The following TSHZ3 variants were observed in gnomAD, a reference collection of about 807,000 sequenced individuals.
TSHZ3 encodes the protein teashirt zinc finger homeobox 3.
TSHZ3 carries 10 observed loss-of-function variants against 64.5 expected under a neutral mutation model. The ratio of observed to expected loss-of-function variants is 0.16; its 90% CI spans 0.10 to 0.26. TSHZ3 has a LOEUF of 0.26. TSHZ3 is among the 10% of genes least tolerant of loss of function. The pLI is 1.00. For missense variants in TSHZ3, 1,242 were observed against 1,421.7 expected (o/e 0.87, Z 2.03); for synonymous variants, 608 against 593.1 (o/e 1.03, Z -0.36).
At chr19:31,222,055 C>A (rs960673778) in intron 4 of TSHZ3, among the ~76,000 whole-genome samples, 11 of 152,166 alleles carry the variant, frequency 7.2e-5, no homozygotes, top group Admixed American at 7.2e-4. Flanking sequence ...CCCAGCTATA[C>A]CTTGGTTGCA....
chr19:31,231,702 A>C (rs1302048363), intron 3 of TSHZ3, among the ~76,000 whole-genome samples: 2 of 152,164 alleles, frequency 1.3e-5, no homozygotes, highest in Non-Finnish European at 2.9e-5. Context: ...GATTTAGTTA[A>C]AACATTCAGC....
intron 4 of TSHZ3, among the ~76,000 whole-genome samples, chr19:31,209,109 T>C (rs1364727709): frequency 2.0e-5 from 3 of 152,216 alleles, no homozygotes; most frequent in Middle Eastern, 6.8e-3. Context: ...AGATTTCAAA[T>C]GGACTCAAGA....
chr19:31,294,424 G>GCCAGTACTCAGCACGCACTCAGCACTCAA (rs1167778423), intron 1 of TSHZ3, among the ~76,000 whole-genome samples: 3 of 152,010 alleles, frequency 2.0e-5, no homozygotes, highest in Non-Finnish European at 2.9e-5. Context: ...TCAGCACTTA[G>GCCAGTACTCAGCACGCACTCAGCACTCAA]CCAGTACTCA....
chr19:31,260,754 C>T (rs1336952770), intron 1 of TSHZ3, among the ~76,000 whole-genome samples: 1 of 152,144 alleles, frequency 6.6e-6, no homozygotes, highest in African/African-American at 2.4e-5. Flanking sequence ...AACAAAAGAA[C>T]ATTTTGTCCC....
At chr19:31,270,206 G>C (rs1410367714), downstream of TSHZ3, among the ~76,000 whole-genome samples, 2 of 152,232 alleles carry the variant, frequency 1.3e-5, no homozygotes, top group Non-Finnish European at 2.9e-5. Context: ...AATGTTGCCT[G>C]TGCCCATATT....
intron 5 of TSHZ3, among the ~76,000 whole-genome samples, chr19:31,191,362 T>C (rs539237110): frequency 6.6e-6 from 1 of 152,186 alleles, no homozygotes; most frequent in Non-Finnish European, 1.5e-5. Context: ...TCGGAAACAA[T>C]GCAAGTTATA....
At position 31,277,872 on chromosome 19, in the gene TSHZ3, C is replaced by T. The variant is rs376529552; in HGVS notation, c.1921G>A (p.Ala641Thr). 4.4e-5 allele frequency: 70 copies of T among 1,607,220 alleles called. No individual in the cohort carries two copies. The East Asian group carries it at 1.1e-3, about 26-fold the overall frequency. The change falls in exon 2 of 2, where the codon GCC (alanine) becomes ACC (threonine). Residue 641 changes from alanine (A) to threonine (T), a missense_variant. Ala to Thr is a moderately conservative substitution (Grantham distance 58). Around this residue, in one of 4 missense-constraint regions of TSHZ3, gnomAD observed 550 missense variants for 545.1 expected, o/e 1.01. Coordinates refer to ENST00000240587, the MANE Select transcript of TSHZ3 (RefSeq NM_020856.4). This position sits in a 1 kb window ranked among gnomAD's most constrained non-coding sequence, Gnocchi z 4.5. ...TCGCTGCTACATGGGGAGGGAGTGGCCCGCTTGGGCGGGGAAAGCTTCCCA... is the reference window on the plus strand; with the variant it reads ...TCGCTGCTACATGGGGAGGGAGTGGTCCGCTTGGGCGGGGAAAGCTTCCCA... ...PDGKLSPPKR[A>T]TPSPCSSEVG...
In TSHZ3 at chr19:31,279,310, G is replaced by A. The variant is rs1348608625; in HGVS notation, c.483C>T (p.Gly161=). ...TCTGGTGCCAGTCGAAGCTCCCGCT[G>A]CCACAGCTGCTGCTGCTGCTACTGC... ...SSSSSSSSSC[G]SGSFDWHQSA... is the part of the protein sequence containing the mutation. The change falls in exon 2 of 2, where the codon GGC becomes GGT. Residue 161 remains glycine, a synonymous_variant. Transcript: ENST00000240587. This position sits in a 1 kb window ranked among gnomAD's most constrained non-coding sequence, Gnocchi z 6.4. 6.2e-7 allele frequency: 1 copy of A among 1,613,828 alleles called. No individual in the cohort carries two copies. Among genetic ancestry groups the A allele is most frequent in the South Asian group, 1.1e-5 (1 of 91,052 alleles).
At chr19:31,157,638 C>T (rs532556670) in intron 5 of TSHZ3, among the ~76,000 whole-genome samples, 1 of 152,292 alleles carries the variant, frequency 6.6e-6, no homozygotes, top group African/African-American at 2.4e-5. Context: ...GTGAATTAAA[C>T]ACAAACATAT....
intron 5 of TSHZ3, among the ~76,000 whole-genome samples, chr19:31,196,891 C>T (rs146826066): frequency 7.8e-4 from 119 of 151,984 alleles, no homozygotes; most frequent in African/African-American, 2.5e-3. Context: ...CTATCATGAA[C>T]GAACAGACCT....
At chr19:31,165,062 G>A (rs957309843) in intron 5 of TSHZ3, among the ~76,000 whole-genome samples, 2 of 152,246 alleles carry the variant, frequency 1.3e-5, no homozygotes, top group Non-Finnish European at 2.9e-5. Context: ...TGCAGGGACA[G>A]AGGCGGCTTT....
Position 31,279,413 on chromosome 19 carries a change from G to A in TSHZ3, c.380C>T (p.Ser127Phe). ...GTTGAGGTTGGACCAGTAGGAGTTGGAGAGGAAGTTGTTGTACACGGCCTT... is the reference window on the plus strand; with the variant it reads ...GTTGAGGTTGGACCAGTAGGAGTTGAAGAGGAAGTTGTTGTACACGGCCTT... ...QMKAVYNNFL[S>F]NSYWSNLNLN... Residue 127 changes from serine to phenylalanine, a missense_variant, in exon 2 of 2, where the codon TCC becomes TTC. Physicochemically the swap from Ser to Phe is radical, Grantham distance 155. Coordinates refer to ENST00000240587, the MANE Select transcript of TSHZ3 (RefSeq NM_020856.4). The surrounding 1 kb of genome is among the most constrained non-coding windows in gnomAD (Gnocchi z 6.4). The A allele has an allele frequency of 6.2e-7, 1 of 1,614,222 alleles. No individual in the cohort carries two copies. Among genetic ancestry groups the A allele is most frequent in the Non-Finnish European group, 8.5e-7 (1 of 1,180,034 alleles).
At chr19:31,158,486 A>C (rs1339259955) in intron 5 of TSHZ3, among the ~76,000 whole-genome samples, 3 of 152,160 alleles carry the variant, frequency 2.0e-5, no homozygotes, top group Non-Finnish European at 4.4e-5. Flanking sequence ...TGTCATCAGG[A>C]CTACATTCTT....
intron 5 of TSHZ3, among the ~76,000 whole-genome samples, chr19:31,173,003 C>A (rs2145117215): frequency 6.6e-6 from 1 of 152,252 alleles, no homozygotes; most frequent in African/African-American, 2.4e-5. Flanking sequence ...GGTCTCAGAG[C>A]CACCATAAGG....
rs902492201 is a variant in TSHZ3 at position 31,218,732 on chromosome 19, C to A, written n.686+9273G>T. On this transcript the variant is annotated intron_variant and non_coding_transcript_variant, in intron 4 of 6. Transcript: ENST00000651361. ...TTGTTCAGAGCTAAAAAGAAATGAG[C>A]TATCAGCCATAAAAAAGGCCTGGAG... Among the ~76,000 whole-genome samples the A allele has an allele frequency of 2.0e-5, 3 of 152,278 alleles. No individual in the cohort carries two copies. The South Asian group carries it at 6.2e-4, about 32-fold the overall frequency.
rs543832043 is a variant in TSHZ3, at chr19:31,255,549, C to T, written n.64-12674G>A. On this transcript the variant is annotated intron_variant and non_coding_transcript_variant, in intron 1 of 6. Transcript: ENST00000651361. ...GCATGGCAGGGGCGCCGGGCTAACA[C>T]GACCTGAGCTCCCTTCCCATTCAAA... Among the ~76,000 whole-genome samples, 125 of 152,144 alleles carry T rather than the reference C, an allele frequency of 8.2e-4. 1 individual carries two copies. Among genetic ancestry groups the T allele is most frequent in the Middle Eastern group, 3.4e-3 (1 of 294 alleles).
Position 31,279,624 on chromosome 19 carries a change from G to A in TSHZ3, c.169C>T (p.Pro57Ser), listed in dbSNP as rs775563767. 1 of 1,611,740 alleles carries A rather than the reference G, an allele frequency of 6.2e-7. No individual in the cohort carries two copies. Among genetic ancestry groups the A allele is most frequent in the Non-Finnish European group, 8.5e-7 (1 of 1,178,770 alleles). ...CPEKELARACPSYQNSPAAEF... is the reference protein window; with the variant it reads ...CPEKELARACSSYQNSPAAEF... ...GCGGCCGGGGAGTTCTGGTAGCTGG[G>A]GCAGGCCCTGGCGAGCTCCTTCTCC... is the stretch of plus-strand genomic sequence containing the variant. The change falls in exon 2 of 2, where the codon CCC becomes TCC. Residue 57 changes from proline to serine, a missense_variant. Pro to Ser is a moderately conservative substitution (Grantham distance 74). This residue lies in a region of TSHZ3 where 555 missense variants were observed against 704.0 expected (regional missense o/e 0.79). Coordinates refer to ENST00000240587, the MANE Select transcript of TSHZ3 (RefSeq NM_020856.4). This position sits in a 1 kb window ranked among gnomAD's most constrained non-coding sequence, Gnocchi z 6.4.
At chr19:31,348,879 G>A in intron 1 of TSHZ3, 1 of 352,900 alleles carries the variant, frequency 2.8e-6, no homozygotes, top group Non-Finnish European at 5.1e-6. Context: ...CCAGGCCGGG[G>A]TTGCTTCCCA....
At chr19:31,281,701 A>C (rs1431055749) in intron 1 of TSHZ3, among the ~76,000 whole-genome samples, 3 of 152,368 alleles carry the variant, frequency 2.0e-5, no homozygotes, top group Non-Finnish European at 2.9e-5. Flanking sequence ...TGTGCTAGCC[A>C]CAGTGAAGAC....
Sources: gnomAD v4.1 joint callset for allele counts (sites outside exome capture counted in the v4.1 genomes callset) on GRCh38, gnomAD v4.1.1 for gene constraint, gnomAD v4.1.1 regional missense constraint, Gnocchi (gnomAD v3.1) non-coding constraint, MANE v1.5 for transcripts, NCBI Gene and HGNC (gene_info 2026-07-23, HGNC 2026-07-21) for gene names.